Variants in HERC1 observed in about 807,000 individuals in gnomAD.
The protein encoded by HERC1 is HECT and RLD domain containing E3 ubiquitin protein ligase family member 1, also known as probable E3 ubiquitin-protein ligase HERC1.
A neutral mutation model predicts 554.3 loss-of-function variants in HERC1; 160 were observed. That is an observed-to-expected ratio of 0.29 (90% CI 0.25 to 0.33). HERC1 has a LOEUF of 0.33. Among genes scored for constraint, HERC1 ranks in the 10% least tolerant of loss-of-function variants. HERC1 has a pLI of 1.00. For synonymous variants in HERC1, 2,175 were observed against 2,131.7 expected (o/e 1.02, Z -0.56); for missense variants, 4,919 against 5,918.5 (o/e 0.83, Z 5.54).
At chr15:63,671,203 CA>C (rs371521135) in intron 39 of HERC1, among the ~76,000 whole-genome samples, 5,817 of 123,434 alleles carry the variant, frequency 0.047, 384 homozygotes, top group African/African-American at 0.16. Context: ...AACTTTGTCT[CA>C]AAAAAAAAAA....
intron 27 of HERC1, among the ~76,000 whole-genome samples, chr15:63,695,829 C>A (rs559075529): frequency 8.5e-5 from 13 of 152,280 alleles, no homozygotes; most frequent in African/African-American, 3.1e-4. Flanking sequence ...GCTCTTGAAA[C>A]CCATCCTCCC....
chr15:63,759,726 T>C (rs1451526876), intron 3 of HERC1, among the ~76,000 whole-genome samples: 4 of 152,362 alleles, frequency 2.6e-5, no homozygotes, highest in East Asian at 1.9e-4. Context: ...TTCTGCCTTT[T>C]AGTTTTTTGG....
At chr15:63,786,428 T>C (rs1180857900) in intron 1 of HERC1, among the ~76,000 whole-genome samples, 2 of 152,064 alleles carry the variant, frequency 1.3e-5, no homozygotes, top group Non-Finnish European at 2.9e-5. Flanking sequence ...TGAAAACACA[T>C]GTTCATATGA....
At position 63,661,075 on chromosome 15, in the gene HERC1, C is replaced by T. The variant is rs1307445876; in HGVS notation, c.9171-50G>A. The T allele has an allele frequency of 1.6e-5, 21 of 1,304,108 alleles. No individual in the cohort carries two copies. In the Admixed American group the frequency reaches 3.6e-4, roughly 22 times the overall value. 80.8% of individuals were successfully genotyped at this position (1,304,108 alleles called of 1,614,324 possible). A position where few individuals can be genotyped will look rare whatever the true frequency, so the allele number is the denominator to read the frequency against. On this transcript the variant is annotated intron_variant, in intron 45 of 77. Transcript: ENST00000443617. Reference sequence around the variant, plus strand: ...CATTTTTATATAAAACAGTTAGTACCCCAAGATGCAAATTAAGTCATTAGA... The same window carrying T: ...CATTTTTATATAAAACAGTTAGTACTCCAAGATGCAAATTAAGTCATTAGA...
rs181082646 is a variant in HERC1 at position 63,752,703 on chromosome 15, C to T, written c.1902+255G>A. 5 of 319,184 alleles carry T rather than the reference C, an allele frequency of 1.6e-5. No individual in the cohort carries two copies. In the Admixed American group the frequency reaches 2.3e-4, roughly 14 times the overall value. The allele number at this position is 319,184 out of a possible 1,614,324, so 19.8% of individuals were successfully genotyped here. ...GAAAAGGTTTAAGGGAAGCTAAATG[C>T]TAAAACATTTTAGAAAGTCAGTTTA... On this transcript the variant is annotated intron_variant, in intron 8 of 77. Coordinates refer to ENST00000443617, the MANE Select transcript of HERC1 (RefSeq NM_003922.4).
chr15:63,625,896 G>T, intron 71 of HERC1, 89 bp downstream of exon 71: 1 of 1,364,956 alleles, frequency 7.3e-7, no homozygotes, highest in Non-Finnish European at 1.0e-6. Context: ...CAAAGGCAGA[G>T]GGAAAGGCCC....
intron 14 of HERC1, among the ~76,000 whole-genome samples, chr15:63,731,396 A>C (rs1339795525): frequency 6.6e-6 from 1 of 152,214 alleles, no homozygotes; most frequent in Non-Finnish European, 1.5e-5. Flanking sequence ...ACCCAAAAGC[A>C]GTTAGTATTT....
chr15:63,681,497 TG>T (rs1216352845), intron 34 of HERC1, among the ~76,000 whole-genome samples: 4 of 151,954 alleles, frequency 2.6e-5, no homozygotes, highest in African/African-American at 9.7e-5. Flanking sequence ...ACACCTAGTG[TG>T]ACTATTACTA....
At chr15:63,817,650 G>A (rs1158117260) in intron 1 of HERC1, among the ~76,000 whole-genome samples, 1 of 152,174 alleles carries the variant, frequency 6.6e-6, no homozygotes, top group Non-Finnish European at 1.5e-5. Flanking sequence ...AGGAGTTGGA[G>A]GTTGCAGTCA....
Position 63,658,675 on chromosome 15 carries a change from C to A in HERC1, c.9468G>T (p.Thr3156=). Residue 3156 remains threonine, a synonymous_variant, in exon 48 of 78, where the codon ACG becomes ACT. Transcript: ENST00000443617. ...CTAGGGCAGCTGCCTGCTCTCCTAA[C>A]GTTATTCTCCCAGAGGAGCTCTTTT... ...SVEKSSSGRI[T]LGEQAAALAN... The A allele has an allele frequency of 3.1e-6, 5 of 1,613,840 alleles. No homozygotes were observed. Among genetic ancestry groups the A allele is most frequent in the Non-Finnish European group, 4.2e-6 (5 of 1,179,752 alleles).
Position 63,659,805 on chromosome 15 carries a change from C to T in HERC1, c.9355G>A (p.Asp3119Asn). 1.2e-6 allele frequency: 2 copies of T among 1,613,952 alleles called. No homozygotes were observed. The highest frequency in any genetic ancestry group is 2.2e-5 in the South Asian group (2 of 91,086). Reference protein sequence around the residue: ...VPEPVQFPDSDPLGASVAMVT... With the variant: ...VPEPVQFPDSNPLGASVAMVT... ...ATTGCTACTGATGCTCCCAGTGGAT[C>T]GCTGTCAGGGAACTGAACTGGTTCT... Residue 3119 changes from aspartate to asparagine, a missense_variant, in exon 47 of 78, where the codon GAT becomes AAT. This residue lies in a region of HERC1 where 1,963 missense variants were observed against 2,228.6 expected (regional missense o/e 0.88). Coordinates refer to ENST00000443617, the MANE Select transcript of HERC1 (RefSeq NM_003922.4).
chr15:63,712,992 C>A, intron 23 of HERC1, 97 bp from the exon 24 acceptor site: 13 of 1,143,176 alleles, frequency 1.1e-5, no homozygotes, highest in Non-Finnish European at 1.6e-5. Flanking sequence ...TATACACACA[C>A]AGGGAGGAGT....
intron 61 of HERC1, 67 bp from the exon 62 acceptor site, chr15:63,638,843 A>T: frequency 9.4e-7 from 1 of 1,068,266 alleles, no homozygotes; most frequent in East Asian, 2.4e-5. Context: ...TTAACCACAA[A>T]GTCCTCTTCT....
chr15:63,779,555 A>G (rs2076219143), intron 1 of HERC1: 1 of 152,238 alleles, frequency 6.6e-6, no homozygotes, highest in African/African-American at 2.4e-5. Context: ...ATAAGAAAAC[A>G]GAAGATCTAA....
intron 60 of HERC1, among the ~76,000 whole-genome samples, chr15:63,641,039 C>T (rs1468529082): frequency 6.6e-6 from 1 of 152,152 alleles, no homozygotes; most frequent in African/African-American, 2.4e-5. Context: ...ATAGCTCTTC[C>T]ACTAAATTTT....
chr15:63,625,473 C>A (rs1351982292), intron 71 of HERC1, among the ~76,000 whole-genome samples: 1 of 151,982 alleles, frequency 6.6e-6, no homozygotes, highest in African/African-American at 2.4e-5. Context: ...TGGGGGGGAT[C>A]ATTTGAGGTC....
At chr15:63,773,499 C>T (rs2076012596) in intron 2 of HERC1, among the ~76,000 whole-genome samples, 1 of 149,810 alleles carries the variant, frequency 6.7e-6, no homozygotes, top group Non-Finnish European at 1.5e-5. Flanking sequence ...ATTAAGTCAG[C>T]TTTTAAGTGT....
At chr15:63,659,497 C>T (rs1324540732) in intron 47 of HERC1, among the ~76,000 whole-genome samples, 1 of 152,170 alleles carries the variant, frequency 6.6e-6, no homozygotes, top group African/African-American at 2.4e-5. Flanking sequence ...AAGCGACCTT[C>T]TTTCTTCAGC....
chr15:63,721,203 C>G (rs2073803401), intron 19 of HERC1, among the ~76,000 whole-genome samples: 1 of 152,102 alleles, frequency 6.6e-6, no homozygotes, highest in African/African-American at 2.4e-5. Flanking sequence ...GGAGTCACCA[C>G]AACAGAATGA....
Sources: allele counts gnomAD v4.1 joint callset (sites outside exome capture counted in the v4.1 genomes callset), GRCh38; gene constraint gnomAD v4.1.1; regional missense constraint gnomAD v4.1.1; transcripts MANE v1.5; gene names NCBI Gene and HGNC (gene_info 2026-07-23, HGNC 2026-07-21).